ADAMTS19: variants seen among roughly 807,000 people sequenced by gnomAD.
ADAMTS19 encodes the protein ADAM metallopeptidase with thrombospondin type 1 motif 19, also known as A disintegrin and metalloproteinase with thrombospondin motifs 19.
ADAMTS19 carries 93 observed loss-of-function variants against 153.3 expected under a neutral mutation model. That is an observed-to-expected ratio of 0.61 (90% CI 0.51 to 0.72). The LOEUF (loss-of-function observed/expected upper bound fraction) is 0.72, where lower values mean the gene tolerates loss of function less well. ADAMTS19 is among the 30% of genes least tolerant of loss of function. The probability of loss-of-function intolerance (pLI) is 0.00; values close to 1 mark genes in which losing one functional copy is unlikely to be tolerated. For synonymous variants in ADAMTS19, 600 were observed against 556.6 expected (o/e 1.08, Z -1.10); for missense variants, 1,482 against 1,552.1 (o/e 0.95, Z 0.76).
chr5:129,545,822 G>A (rs1456470631), intron 6 of ADAMTS19, among the ~76,000 whole-genome samples: 1 of 150,802 alleles, frequency 6.6e-6, no homozygotes, highest in African/African-American at 2.5e-5. Flanking sequence ...GTGGAAGTCA[G>A]TGTGGCGATT....
chr5:129,675,133 C>G (rs903794733), intron 16 of ADAMTS19, among the ~76,000 whole-genome samples: 1 of 151,792 alleles, frequency 6.6e-6, no homozygotes, highest in Non-Finnish European at 1.5e-5. Context: ...AATCTTTTAC[C>G]CCTGTTTTAA....
At chr5:129,470,560 A>G (rs1298234453) in intron 2 of ADAMTS19, among the ~76,000 whole-genome samples, 1 of 152,220 alleles carries the variant, frequency 6.6e-6, no homozygotes, top group African/African-American at 2.4e-5. Flanking sequence ...GCCAAGCCCT[A>G]GACTGAGAGA....
intron 7 of ADAMTS19, among the ~76,000 whole-genome samples, chr5:129,566,939 C>A (rs1438655150): frequency 7.1e-6 from 1 of 141,324 alleles, no homozygotes; most frequent in African/African-American, 2.7e-5. Context: ...GAGAACACAG[C>A]AGAGAGGTAA....
chr5:129,523,634 A>G (rs1203956385), intron 3 of ADAMTS19, among the ~76,000 whole-genome samples: 2 of 152,200 alleles, frequency 1.3e-5, no homozygotes, highest in African/African-American at 4.8e-5. Flanking sequence ...TTGAAGCACC[A>G]TGTGCATACA....
At chr5:129,495,228 G>A (rs1430863372) in intron 2 of ADAMTS19, among the ~76,000 whole-genome samples, 1 of 152,016 alleles carries the variant, frequency 6.6e-6, no homozygotes, top group Non-Finnish European at 1.5e-5. Context: ...TCCTGTGCCA[G>A]TCTGCACCAG....
At chr5:129,595,957 C>T (rs1750355153) in intron 7 of ADAMTS19, among the ~76,000 whole-genome samples, 1 of 151,810 alleles carries the variant, frequency 6.6e-6, no homozygotes, top group Non-Finnish European at 1.5e-5. Context: ...AAAATTTTAT[C>T]TTAATATTTC....
intron 10 of ADAMTS19, among the ~76,000 whole-genome samples, chr5:129,634,621 G>T (rs977455512): frequency 6.6e-6 from 1 of 151,892 alleles, no homozygotes; most frequent in African/African-American, 2.4e-5. Context: ...CCAGAAACAA[G>T]GTTGCAAACC....
chr5:129,708,281 T>C (rs1441706113), intron 21 of ADAMTS19, among the ~76,000 whole-genome samples: 3 of 152,166 alleles, frequency 2.0e-5, no homozygotes, highest in Non-Finnish European at 4.4e-5. Flanking sequence ...ACATACAATG[T>C]GGCTGCTTTG....
At chr5:129,718,056 G>C (rs1297206409) in intron 21 of ADAMTS19, among the ~76,000 whole-genome samples, 5 of 152,290 alleles carry the variant, frequency 3.3e-5, no homozygotes, top group African/African-American at 9.6e-5. Flanking sequence ...TTAGCAAACT[G>C]ATTTCTGATC....
intron 6 of ADAMTS19, among the ~76,000 whole-genome samples, chr5:129,533,889 A>T (rs1476894135): frequency 6.6e-6 from 1 of 151,940 alleles, no homozygotes; most frequent in Non-Finnish European, 1.5e-5. Flanking sequence ...TTCAGTTTCC[A>T]TGTAGTTGAG....
At chr5:129,509,296 A>G (rs1751359484) in intron 3 of ADAMTS19, 54 bp downstream of exon 3, 3 of 1,497,226 alleles carry the variant, frequency 2.0e-6, no homozygotes, top group Non-Finnish European at 2.7e-6. Context: ...TGAGATGACT[A>G]CTTTAAAAAA....
At position 129,679,904 on chromosome 5, in the gene ADAMTS19, G is replaced by A. The variant is rs1014138294; in HGVS notation, c.2647G>A (p.Ala883Thr). 4 of 1,613,268 alleles carry A rather than the reference G, an allele frequency of 2.5e-6. No homozygotes were observed. Among genetic ancestry groups the A allele is most frequent in the East Asian group, 2.2e-5 (1 of 44,832 alleles). ...EKISAKGPTT[A>T]PLHLLVLLFQ... ...GATCTCTGCCAAAGGTCCTACTACA[G>A]CACCTTTACATCTTCTGGTATGAGG... is the stretch of plus-strand genomic sequence containing the variant. Residue 883 changes from alanine (A) to threonine (T), a missense_variant, in exon 17 of 23, where the codon GCA becomes ACA. Ala to Thr is a moderately conservative substitution (Grantham distance 58). Transcript: ENST00000274487.
intron 2 of ADAMTS19, among the ~76,000 whole-genome samples, chr5:129,468,639 A>G (rs752973052): frequency 5.3e-5 from 8 of 152,170 alleles, no homozygotes; most frequent in Non-Finnish European, 1.2e-4. Flanking sequence ...GGCGTGAGCC[A>G]CTGTGCCTGG....
rs1753134870 is a variant in ADAMTS19, at chr5:129,647,816, G to A, written c.1924G>A (p.Ala642Thr). The change falls in exon 12 of 23, where the codon GCC becomes ACC. Residue 642 changes from alanine to threonine, a missense_variant. Ala to Thr is a moderately conservative substitution (Grantham distance 58). Around this residue, in one of 2 missense-constraint regions of ADAMTS19, gnomAD observed 616 missense variants for 724.4 expected, o/e 0.85. Coordinates refer to ENST00000274487, the MANE Select transcript of ADAMTS19 (RefSeq NM_133638.6). ...TSRTSAPEHL[A>T]GEWSLWSPCS... The stretch of plus-strand genomic sequence containing the variant: ...CAGGACCTCAGCACCTGAACATCTG[G>A]CCGGAGAGTGGAGCCTGTGGAGTCC... The A allele has an allele frequency of 6.2e-7, 1 of 1,614,000 alleles. No individual in the cohort carries two copies. The highest frequency in any genetic ancestry group is 1.1e-5 in the South Asian group (1 of 91,084).
intron 2 of ADAMTS19, among the ~76,000 whole-genome samples, chr5:129,503,649 G>A (rs1751177586): frequency 6.6e-6 from 1 of 152,012 alleles, no homozygotes; most frequent in Non-Finnish European, 1.5e-5. Context: ...GACCAGCCTG[G>A]CCAACATGGA....
At chr5:129,586,189 A>G (rs1340342521) in intron 7 of ADAMTS19, among the ~76,000 whole-genome samples, 1 of 152,174 alleles carries the variant, frequency 6.6e-6, no homozygotes, top group African/African-American at 2.4e-5. Flanking sequence ...ACTATCACCC[A>G]AGTCCACAGT....
intron 13 of ADAMTS19, among the ~76,000 whole-genome samples, chr5:129,650,583 T>C (rs1448365110): frequency 1.3e-5 from 2 of 152,204 alleles, no homozygotes; most frequent in African/African-American, 4.8e-5. Flanking sequence ...TTCTGCTATA[T>C]GGCAGAATTT....
chr5:129,527,121 T>C (rs2126764187), intron 4 of ADAMTS19, among the ~76,000 whole-genome samples: 1 of 151,970 alleles, frequency 6.6e-6, no homozygotes, highest in East Asian at 1.9e-4. Flanking sequence ...CTAGTATCTA[T>C]CATGTTAGGG....
intron 8 of ADAMTS19, among the ~76,000 whole-genome samples, chr5:129,608,373 G>A (rs1391951000): frequency 6.6e-6 from 1 of 151,484 alleles, no homozygotes; most frequent in Non-Finnish European, 1.5e-5. Flanking sequence ...TGGTCAAAGG[G>A]TACAATCCTT....
Sources: gnomAD v4.1 joint callset for allele counts (sites outside exome capture counted in the v4.1 genomes callset) on GRCh38, gnomAD v4.1.1 for gene constraint, gnomAD v4.1.1 regional missense constraint, MANE v1.5 for transcripts, NCBI Gene and HGNC (gene_info 2026-07-23, HGNC 2026-07-21) for gene names.